TXNDC11: variants seen among roughly 807,000 people sequenced by gnomAD.
TXNDC11 encodes the protein thioredoxin domain-containing protein 11.
TXNDC11 carries 68 observed loss-of-function variants against 78.0 expected under a neutral mutation model. The observed-to-expected ratio is 0.87, with a 90% confidence interval of 0.72 to 1.07. The LOEUF is 1.07. TXNDC11 is among the 50% of genes least tolerant of loss of function. The pLI, the probability that TXNDC11 is intolerant of heterozygous loss-of-function variation, is 0.00. For missense variants in TXNDC11, 1,389 were observed against 1,221.8 expected, an observed-to-expected ratio of 1.14 and a Z score of -2.04; for synonymous variants, 571 against 495.2, an observed-to-expected ratio of 1.15 and a Z score of -2.03.
chr16:11,686,622 TCACTTAAAAC>T (rs759989014), intron 10 of TXNDC11, among the ~76,000 whole-genome samples: 8 of 152,278 alleles, frequency 5.3e-5, no homozygotes, highest in Non-Finnish European at 1.2e-4. Flanking sequence ...CAAGATTCTG[TCACTTAAAAC>T]CACTGATTAC....
At chr16:11,716,166 T>C (rs2051521665) in intron 5 of TXNDC11, among the ~76,000 whole-genome samples, 1 of 152,252 alleles carries the variant, frequency 6.6e-6, no homozygotes, top group African/African-American at 2.4e-5. Context: ...CAGGCATTGC[T>C]GCCTCCCAGC....
In TXNDC11 at chr16:11,741,136, G is replaced by A. The variant is rs567290136; in HGVS notation, c.254+1341C>T. On this transcript the variant is annotated intron_variant, in intron 1 of 11. Transcript: ENST00000283033. Reference sequence around the variant, plus strand: ...ACCCTGCTGACAGTACCTGGCCTATGGAAAATGCTCACTGAGAGTTATTAT... The same window carrying A: ...ACCCTGCTGACAGTACCTGGCCTATAGAAAATGCTCACTGAGAGTTATTAT... Among the ~76,000 whole-genome samples the A allele has an allele frequency of 1.1e-4, 17 of 152,258 alleles. No homozygotes were observed. In the South Asian group the frequency reaches 2.3e-3, roughly 20 times the overall value.
At chr16:11,719,068 G>A (rs1251871939) in intron 5 of TXNDC11, among the ~76,000 whole-genome samples, 1 of 152,128 alleles carries the variant, frequency 6.6e-6, no homozygotes, top group Non-Finnish European at 1.5e-5. Flanking sequence ...ACCTCTGAAT[G>A]AAAAAATAAT....
At chr16:11,714,098 G>C (rs929748235) in intron 5 of TXNDC11, among the ~76,000 whole-genome samples, 2 of 151,752 alleles carry the variant, frequency 1.3e-5, no homozygotes, top group South Asian at 2.1e-4. Context: ...CCAGAAAGCA[G>C]TGGCATGATC....
At position 11,742,788 on chromosome 16, in the gene TXNDC11, G is replaced by A. The variant is rs903418898; in HGVS notation, c.-58C>T. The A allele has an allele frequency of 1.3e-5, 18 of 1,397,028 alleles. No homozygotes were observed. In the East Asian group the frequency reaches 3.4e-4, roughly 26 times the overall value. The allele number at this position is 1,397,028 out of a possible 1,614,324, so 86.5% of individuals were successfully genotyped here. On this transcript the variant is annotated 5_prime_UTR_variant, in exon 1 of 12. Transcript: ENST00000283033. ...GCCGCCGCCTCGGGCCCGAAGGCCC[G>A]GCCCGGCCCGTTGCTCCCCAATCCC...
At chr16:11,740,215 G>GA (rs2052351850) in intron 1 of TXNDC11, among the ~76,000 whole-genome samples, 1 of 151,362 alleles carries the variant, frequency 6.6e-6, no homozygotes, top group Non-Finnish European at 1.5e-5. Flanking sequence ...TCTTAAAACT[G>GA]AAAGAGGAAA....
At chr16:11,692,297 G>A (rs545667214) in intron 7 of TXNDC11, 16 of 492,890 alleles carry the variant, frequency 3.2e-5, no homozygotes, top group East Asian at 2.9e-4. Flanking sequence ...CAAAAACTGC[G>A]AGCCATCCCT....
intron 5 of TXNDC11, among the ~76,000 whole-genome samples, chr16:11,701,740 T>A (rs1291295814): frequency 2.0e-5 from 3 of 151,970 alleles, no homozygotes; most frequent in African/African-American, 7.3e-5. Flanking sequence ...TTGCCAAGAA[T>A]TTAAGACAAA....
intron 1 of TXNDC11, among the ~76,000 whole-genome samples, chr16:11,737,975 G>C (rs1162414359): frequency 1.3e-5 from 2 of 151,954 alleles, no homozygotes; most frequent in African/African-American, 4.8e-5. Context: ...AAAGACACAG[G>C]ATAAAGGCAT....
chr16:11,704,338 T>C (rs1356781560), intron 5 of TXNDC11, among the ~76,000 whole-genome samples: 1 of 151,898 alleles, frequency 6.6e-6, no homozygotes, highest in African/African-American at 2.4e-5. Context: ...AAACAGAAAA[T>C]AACCATTTGA....
At chr16:11,708,761 T>C (rs1781877553) in intron 5 of TXNDC11, among the ~76,000 whole-genome samples, 1 of 152,204 alleles carries the variant, frequency 6.6e-6, no homozygotes, top group African/African-American at 2.4e-5. Context: ...AAACTGAAAA[T>C]AGTGGTATAC....
At chr16:11,717,508 T>C (rs1391177771) in intron 5 of TXNDC11, among the ~76,000 whole-genome samples, 6 of 102,732 alleles carry the variant, frequency 5.8e-5, no homozygotes, top group African/African-American at 1.1e-4. Flanking sequence ...ACTACATAAA[T>C]AATAATAACA....
At chr16:11,731,388 G>C (rs990076271) in intron 3 of TXNDC11, among the ~76,000 whole-genome samples, 3 of 152,130 alleles carry the variant, frequency 2.0e-5, no homozygotes, top group Admixed American at 2.0e-4. Flanking sequence ...TGTGCCTGGG[G>C]ACACATAGAA....
intron 4 of TXNDC11, among the ~76,000 whole-genome samples, chr16:11,726,478 G>A (rs1169933653): frequency 6.6e-6 from 1 of 151,396 alleles, no homozygotes. Context: ...TACTCAGGAG[G>A]CTGAGGCAGG....
At chr16:11,737,359 C>A (rs1323732268) in intron 1 of TXNDC11, among the ~76,000 whole-genome samples, 1 of 151,346 alleles carries the variant, frequency 6.6e-6, no homozygotes, top group Admixed American at 6.6e-5. Flanking sequence ...ACACAAGAAT[C>A]GCTTGAACCC....
chr16:11,685,895 TC>T (rs771434185), intron 10 of TXNDC11, among the ~76,000 whole-genome samples: 2 of 152,152 alleles, frequency 1.3e-5, no homozygotes, highest in African/African-American at 4.8e-5. Context: ...AAAAATCCAC[TC>T]AGAATTCCAT....
At position 11,698,148 on chromosome 16, in the gene TXNDC11, C is replaced by T. The variant is rs143169078; in HGVS notation, c.1084G>A (p.Glu362Lys). ...FLFIPFNPLAESHPLIDEITE... is the reference protein window; with the variant it reads ...FLFIPFNPLAKSHPLIDEITE... ...ACCTCGTCTATTAAAGGATGACTTT[C>T]GGCCAGGGGATTAAAAGGTATGAAC... Residue 362 changes from glutamate to lysine, a missense_variant, in exon 7 of 12, where the codon GAA (glutamate) becomes AAA (lysine). Coordinates refer to ENST00000283033, the MANE Select transcript of TXNDC11 (RefSeq NM_015914.7). 45 of 1,614,116 alleles carry T rather than the reference C, an allele frequency of 2.8e-5. 3 individuals carry two copies. The African/African-American group carries it at 3.6e-4, about 13-fold the overall frequency.
intron 5 of TXNDC11, among the ~76,000 whole-genome samples, chr16:11,717,709 T>C (rs1172309272): frequency 6.7e-6 from 1 of 149,800 alleles, no homozygotes; most frequent in South Asian, 2.1e-4. Context: ...TAATCCCAGC[T>C]ACTCGGGAGG....
intron 6 of TXNDC11, among the ~76,000 whole-genome samples, chr16:11,698,909 G>T (rs2050933009): frequency 6.6e-6 from 1 of 152,182 alleles, no homozygotes; most frequent in South Asian, 2.1e-4. Context: ...CAAGGCCACG[G>T]ATCATATTTT....
Sources: allele counts gnomAD v4.1 joint callset (sites outside exome capture counted in the v4.1 genomes callset), GRCh38; gene constraint gnomAD v4.1.1; transcripts MANE v1.5; gene names NCBI Gene and HGNC (gene_info 2026-07-23, HGNC 2026-07-21).